SEMA6D: variants seen among roughly 807,000 people sequenced by gnomAD.
SEMA6D encodes the protein semaphorin 6D, also known as semaphorin-6D.
A neutral mutation model predicts 106.6 loss-of-function variants in SEMA6D; 35 were observed. The observed-to-expected ratio is 0.33, with a 90% CI of 0.25 to 0.44. The LOEUF is 0.44. SEMA6D is among the 20% of genes least tolerant of loss of function. The pLI, the probability that SEMA6D is intolerant of heterozygous loss-of-function variation, is 1.00. For missense variants in SEMA6D, 1,185 were observed against 1,345.9 expected (o/e 0.88, Z 1.87); for synonymous variants, 499 against 487.7 (o/e 1.02, Z -0.31).
intron 3 of SEMA6D, among the ~76,000 whole-genome samples, chr15:47,531,366 A>G (rs1251790874): frequency 1.3e-5 from 2 of 152,218 alleles, no homozygotes; most frequent in African/African-American, 2.4e-5. Flanking sequence ...TTTTGCCTCC[A>G]TATGCATAAA....
intron 3 of SEMA6D, among the ~76,000 whole-genome samples, chr15:47,487,936 G>A (rs1441126427): frequency 6.6e-6 from 1 of 152,048 alleles, no homozygotes; most frequent in Non-Finnish European, 1.5e-5. Flanking sequence ...TGAGTGGTTA[G>A]AGGCAAGAAT....
Position 47,668,153 on chromosome 15 carries a change from T to A in SEMA6D, c.-55+67257T>A, listed in dbSNP as rs573331424. On this transcript the variant is annotated intron_variant, in intron 4 of 19. Coordinates refer to the SEMA6D transcript ENST00000558014. ...TTATCTCTAAGATTACTTAAAAGTA[T>A]CACTTAGACTGAACTTCACTGACTT... Among the ~76,000 whole-genome samples the A allele has an allele frequency of 1.4e-3, 217 of 151,922 alleles. 1 individual carries two copies. Among genetic ancestry groups the A allele is most frequent in the Non-Finnish European group, 2.1e-3 (140 of 68,044 alleles).
chr15:47,325,204 G>A (rs752145646), intron 1 of SEMA6D, among the ~76,000 whole-genome samples: 7 of 149,466 alleles, frequency 4.7e-5, no homozygotes, highest in Middle Eastern at 3.8e-3. Context: ...ACAGAGTCTC[G>A]CTCTTGTTGC....
intron 3 of SEMA6D, among the ~76,000 whole-genome samples, chr15:47,498,699 G>T (rs1295339643): frequency 4.6e-5 from 7 of 152,112 alleles, no homozygotes; most frequent in Admixed American, 1.3e-4. Context: ...TTTTGTGAAA[G>T]ATTTACCTTG....
chr15:47,489,370 A>T (rs2043394927), intron 3 of SEMA6D, among the ~76,000 whole-genome samples: 1 of 152,250 alleles, frequency 6.6e-6, no homozygotes, highest in South Asian at 2.1e-4. Context: ...GTTCAGTTAC[A>T]GCAGCCCAAA....
At chr15:47,324,293 C>T (rs373086786) in intron 1 of SEMA6D, among the ~76,000 whole-genome samples, 20 of 152,110 alleles carry the variant, frequency 1.3e-4, no homozygotes, top group African/African-American at 4.3e-4. Context: ...AACTATGGAC[C>T]TACAAATATA....
chr15:47,700,394 C>T (rs566998348), intron 4 of SEMA6D, among the ~76,000 whole-genome samples: 4 of 152,134 alleles, frequency 2.6e-5, no homozygotes, highest in South Asian at 2.1e-4. Context: ...AAATTTGCCA[C>T]GCATGATGGC....
intron 4 of SEMA6D, among the ~76,000 whole-genome samples, chr15:47,656,420 C>A (rs1008285291): frequency 1.1e-4 from 16 of 152,122 alleles, no homozygotes; most frequent in African/African-American, 3.4e-4. Flanking sequence ...CAGCGTGGTA[C>A]CTGGCATATA....
At chr15:47,730,858 T>C (rs1301249148) in intron 1 of SEMA6D, 12 of 1,246,146 alleles carry the variant, frequency 9.6e-6, no homozygotes, top group Non-Finnish European at 1.4e-5. Context: ...GATTCACCAC[T>C]TTCTTAGCCT....
intron 2 of SEMA6D, among the ~76,000 whole-genome samples, chr15:47,460,826 A>T (rs1227492163): frequency 6.6e-6 from 1 of 152,136 alleles, no homozygotes; most frequent in East Asian, 1.9e-4. Flanking sequence ...GTTTCTTACC[A>T]ATAAGCACTT....
intron 1 of SEMA6D, among the ~76,000 whole-genome samples, chr15:47,261,968 A>C (rs1414523582): frequency 6.6e-6 from 1 of 152,152 alleles, no homozygotes; most frequent in Non-Finnish European, 1.5e-5. Flanking sequence ...TGTGACTATG[A>C]ATAATGATAC....
chr15:47,208,688 G>A (rs1342330598), intron 1 of SEMA6D, among the ~76,000 whole-genome samples: 3 of 152,122 alleles, frequency 2.0e-5, no homozygotes, highest in Non-Finnish European at 4.4e-5. Flanking sequence ...GAGCCCCAAA[G>A]TAATAATGTT....
intron 1 of SEMA6D, among the ~76,000 whole-genome samples, chr15:47,349,404 T>C (rs973544605): frequency 6.6e-6 from 1 of 152,198 alleles, no homozygotes; most frequent in Non-Finnish European, 1.5e-5. Context: ...TGTTGGTGCA[T>C]CTGGTTAAGC....
intron 1 of SEMA6D, among the ~76,000 whole-genome samples, chr15:47,725,817 T>TGCCAAGAATTGCTCC (rs71118195): frequency 0.29 from 43,650 of 151,964 alleles, 7,767 homozygotes; most frequent in Non-Finnish European, 0.39. Flanking sequence ...TCAATTGCTT[T>TGCCAAGAATTGCTCC]GCCAAGAATT....
intron 3 of SEMA6D, among the ~76,000 whole-genome samples, chr15:47,564,826 C>G (rs897393673): frequency 2.0e-5 from 3 of 152,164 alleles, no homozygotes; most frequent in African/African-American, 7.2e-5. Flanking sequence ...AGACCCCAGA[C>G]TCAGCCAGCA....
chr15:47,647,588 T>G (rs1369240667), intron 4 of SEMA6D, among the ~76,000 whole-genome samples: 1 of 152,130 alleles, frequency 6.6e-6, no homozygotes, highest in African/African-American at 2.4e-5. Context: ...AATAGAAACA[T>G]GTTCTCTCTT....
At chr15:47,429,897 G>A (rs1465244746) in intron 2 of SEMA6D, among the ~76,000 whole-genome samples, 1 of 152,078 alleles carries the variant, frequency 6.6e-6, no homozygotes, top group Non-Finnish European at 1.5e-5. Context: ...GTGGCCACCT[G>A]TGAAAAGTTT....
intron 4 of SEMA6D, among the ~76,000 whole-genome samples, chr15:47,629,356 C>T (rs985602108): frequency 3.3e-5 from 5 of 151,900 alleles, no homozygotes; most frequent in Non-Finnish European, 7.4e-5. Flanking sequence ...ACCAATAGGT[C>T]AATTTAGAAA....
chr15:47,355,525 A>G (rs921632276), intron 1 of SEMA6D, among the ~76,000 whole-genome samples: 13 of 152,116 alleles, frequency 8.5e-5, no homozygotes, highest in Non-Finnish European at 4.4e-5. Flanking sequence ...AGAAAGAGAG[A>G]GACTTTCACA....
Sources: gnomAD v4.1 joint callset for allele counts (sites outside exome capture counted in the v4.1 genomes callset) on GRCh38, gnomAD v4.1.1 for gene constraint, MANE v1.5 for transcripts, NCBI Gene and HGNC (gene_info 2026-07-23, HGNC 2026-07-21) for gene names.